ACKR2: variants seen among roughly 807,000 people sequenced by gnomAD.
The protein encoded by ACKR2 is atypical chemokine receptor 2, also known as C-C chemokine receptor D6.
For synonymous variants in ACKR2, 207 were observed against 192.2 expected, an observed-to-expected ratio of 1.08 and a Z score of -0.64; for missense variants, 457 against 477.3, an observed-to-expected ratio of 0.96 and a Z score of 0.40.
intron 2 of ACKR2, among the ~76,000 whole-genome samples, chr3:42,860,164 C>CGAAAAAAAAAAAAA: frequency 1.2e-4 from 1 of 8,050 alleles, no homozygotes; most frequent in Non-Finnish European, 2.7e-4. Flanking sequence ...AAATGGAAAG[C>CGAAAAAAAAAAAAA]AAAAAAAAAA....
chr3:42,859,480 G>A (rs938515673), intron 2 of ACKR2, among the ~76,000 whole-genome samples: 4 of 151,524 alleles, frequency 2.6e-5, no homozygotes, highest in African/African-American at 4.9e-5. Context: ...CTGGGTTCAC[G>A]CCATTCTCCT....
chr3:42,860,334 G>A (rs2088373441), intron 2 of ACKR2, among the ~76,000 whole-genome samples: 2 of 151,908 alleles, frequency 1.3e-5, no homozygotes, highest in African/African-American at 2.4e-5. Flanking sequence ...CCCAAAACAG[G>A]AGCACCCAGA....
At chr3:42,813,002 TG>T (rs1288082137) in intron 1 of ACKR2, among the ~76,000 whole-genome samples, 1 of 152,238 alleles carries the variant, frequency 6.6e-6, no homozygotes, top group East Asian at 1.9e-4. Flanking sequence ...AGCTTTCTTT[TG>T]GTTCTAATCA....
At chr3:42,820,559 C>CTCCA (rs1274578647) in intron 2 of ACKR2, among the ~76,000 whole-genome samples, 1 of 147,886 alleles carries the variant, frequency 6.8e-6, no homozygotes, top group African/African-American at 2.5e-5. Context: ...CGCCACTGCA[C>CTCCA]TCCAGCCTGG....
chr3:42,837,304 C>T (rs1700995581), intron 2 of ACKR2, among the ~76,000 whole-genome samples: 1 of 152,042 alleles, frequency 6.6e-6, no homozygotes. Context: ...GCAGCTTCAC[C>T]CTCACAGGCT....
chr3:42,865,702 A>G lies in ACKR2; in HGVS notation c.*45A>G, dbSNP rs755535640. 5.4e-6 allele frequency: 8 copies of G among 1,494,074 alleles called. No individual in the cohort carries two copies. The Admixed American group carries it at 7.6e-5, about 14-fold the overall frequency. The allele number at this position is 1,494,074 out of a possible 1,614,324, so 92.6% of individuals were successfully genotyped here. ...GTGGGAACAGATGGGAACCAGCTCA[A>G]TTGGGTGTCCACTCAAAGTGCTCTC... On this transcript the variant is annotated 3_prime_UTR_variant, in exon 3 of 3. Transcript: ENST00000422265.
At chr3:42,811,149 C>CCTCA (rs1474896935) in intron 1 of ACKR2, among the ~76,000 whole-genome samples, 1 of 151,716 alleles carries the variant, frequency 6.6e-6, no homozygotes, top group Non-Finnish European at 1.5e-5. Context: ...AGTGGCAGGC[C>CCTCA]CTCATTTCCT....
intron 2 of ACKR2, among the ~76,000 whole-genome samples, chr3:42,833,188 A>G (rs1700948518): frequency 6.6e-6 from 1 of 152,140 alleles, no homozygotes. Context: ...TTTTGTAGAG[A>G]TGAGGGCTCA....
At chr3:42,816,629 T>G (rs773120202) in intron 1 of ACKR2, among the ~76,000 whole-genome samples, 2 of 151,842 alleles carry the variant, frequency 1.3e-5, no homozygotes, top group Non-Finnish European at 2.9e-5. Flanking sequence ...CAATCTCAGC[T>G]CACTGAAACC....
At chr3:42,825,722 T>C (rs1249414846) in intron 2 of ACKR2, among the ~76,000 whole-genome samples, 1 of 151,998 alleles carries the variant, frequency 6.6e-6, no homozygotes, top group Non-Finnish European at 1.5e-5. Flanking sequence ...GCACAACTGC[T>C]CTGACTAGAA....
rs566762413 is a variant in ACKR2 at position 42,817,193 on chromosome 3, C to A, written c.-118-2438C>A. ...AGAGCCTCAGTACATGTTAGATCCT[C>A]TCACCAAACCAGGCCCCTTCCTCTT... On this transcript the variant is annotated intron_variant, in intron 1 of 2. Transcript: ENST00000422265. Among the ~76,000 whole-genome samples the A allele has an allele frequency of 3.0e-4, 45 of 152,266 alleles. 1 individual carries two copies. The highest frequency in any genetic ancestry group is 5.7e-4 in the Non-Finnish European group (39 of 68,010).
intron 2 of ACKR2, among the ~76,000 whole-genome samples, chr3:42,859,110 T>C (rs2088353043): frequency 6.6e-6 from 1 of 152,120 alleles, no homozygotes; most frequent in African/African-American, 2.4e-5. Flanking sequence ...CTTCAGGATA[T>C]TATCCAGGAG....
rs1167437719 is a variant in ACKR2 at position 42,864,557 on chromosome 3, AAT to A, written c.57_58del (p.Asn19LysfsTer7). The A allele has an allele frequency of 6.2e-7, 1 of 1,613,668 alleles. No individual in the cohort carries two copies. The highest frequency in any genetic ancestry group is 8.5e-7 in the Non-Finnish European group (1 of 1,179,710). On this transcript the variant is annotated frameshift_variant, in exon 3 of 3. Transcript: ENST00000422265. LOFTEE classifies it low-confidence loss of function (END_TRUNC). ...PLATEDADSE[N>X]SSFYYYDYLD... ...CGCCACTGAGGATGCCGATTCTGAG[AAT>A]AGCAGCTTCTATTACTATGACTACC...
intron 2 of ACKR2, chr3:42,839,004 TC>T (rs1365058993): frequency 6.6e-6 from 1 of 151,856 alleles, no homozygotes; most frequent in Non-Finnish European, 1.5e-5. Flanking sequence ...GAATAAAGAG[TC>T]TGACTCAATT....
chr3:42,816,214 G>A (rs562896682), intron 1 of ACKR2, among the ~76,000 whole-genome samples: 12 of 151,292 alleles, frequency 7.9e-5, no homozygotes, highest in African/African-American at 1.2e-4. Flanking sequence ...GTGTGTGTGT[G>A]TGTGTGTACT....
At chr3:42,837,794 G>A (rs977701497) in intron 2 of ACKR2, among the ~76,000 whole-genome samples, 1 of 152,024 alleles carries the variant, frequency 6.6e-6, no homozygotes, top group Admixed American at 6.6e-5. Context: ...TTAAATATAC[G>A]CTGTAGGCAA....
chr3:42,824,393 CT>C (rs1282145239), intron 2 of ACKR2, among the ~76,000 whole-genome samples: 4 of 152,096 alleles, frequency 2.6e-5, no homozygotes, highest in Non-Finnish European at 4.4e-5. Flanking sequence ...AAAATTTGGC[CT>C]CTTAAATTAT....
At chr3:42,818,860 C>T (rs140436403) in intron 1 of ACKR2, among the ~76,000 whole-genome samples, 3 of 152,266 alleles carry the variant, frequency 2.0e-5, no homozygotes, top group East Asian at 3.9e-4. Flanking sequence ...CCATACCTGG[C>T]CCATAGATTG....
In ACKR2 at chr3:42,865,894, GCTTCCTTC is replaced by G. The variant is rs574486278; in HGVS notation, c.*251_*258del. Reference sequence around the variant, plus strand: ...TACAATCTTTCTTCCTTCCTTCCTTGCTTCCTTCCTTCCTTCCTTCCCTCTCTCCCTCC... The same window carrying G: ...TACAATCTTTCTTCCTTCCTTCCTTGCTTCCTTCCTTCCCTCTCTCCCTCC... On this transcript the variant is annotated 3_prime_UTR_variant, in exon 3 of 3. Coordinates refer to ENST00000422265, the MANE Select transcript of ACKR2 (RefSeq NM_001296.5). 5 of 469,760 alleles carry G rather than the reference GCTTCCTTC, an allele frequency of 1.1e-5. No homozygotes were observed. The highest frequency in any genetic ancestry group is 6.0e-5 in the African/African-American group (3 of 50,096). 29.1% of individuals were successfully genotyped at this position (469,760 alleles called of 1,614,324 possible).
Sources: gnomAD v4.1 joint callset for allele counts (sites outside exome capture counted in the v4.1 genomes callset) on GRCh38, gnomAD v4.1.1 for gene constraint, MANE v1.5 for transcripts, NCBI Gene and HGNC (gene_info 2026-07-23, HGNC 2026-07-21) for gene names.